The following DCDC2 variants were observed in gnomAD, a reference collection of about 807,000 sequenced individuals.
DCDC2 encodes doublecortin domain containing 2.
DCDC2 carries 40 observed loss-of-function variants against 50.2 expected under a neutral mutation model. The observed-to-expected ratio is 0.80, with a 90% CI of 0.62 to 1.04. The LOEUF (loss-of-function observed/expected upper bound fraction) is 1.04. Among genes scored for constraint, DCDC2 ranks in the 50% least tolerant of loss-of-function variants. The pLI is 0.00. For missense variants in DCDC2, 570 were observed against 581.9 expected (o/e 0.98, Z 0.21); for synonymous variants, 234 against 210.6 (o/e 1.11, Z -0.96).
At chr6:24,220,294 C>T (rs895780643) in intron 7 of DCDC2, among the ~76,000 whole-genome samples, 4 of 152,078 alleles carry the variant, frequency 2.6e-5, no homozygotes, top group Non-Finnish European at 5.9e-5. Context: ...TTAAAATTGG[C>T]ATTGCACAAT....
chr6:24,329,392 C>T (rs1431237539), intron 2 of DCDC2, among the ~76,000 whole-genome samples: 1 of 152,148 alleles, frequency 6.6e-6, no homozygotes, highest in Non-Finnish European at 1.5e-5. Flanking sequence ...AATTAAATCT[C>T]TCTTTTCAAC....
chr6:24,252,991 A>C (rs1432367797), intron 7 of DCDC2, among the ~76,000 whole-genome samples: 3 of 152,196 alleles, frequency 2.0e-5, no homozygotes, highest in Non-Finnish European at 1.5e-5. Flanking sequence ...AACATTTTAC[A>C]TAAATAATGA....
chr6:24,204,100 C>T (rs1761651362), intron 8 of DCDC2, among the ~76,000 whole-genome samples: 1 of 151,998 alleles, frequency 6.6e-6, no homozygotes, highest in Non-Finnish European at 1.5e-5. Flanking sequence ...GGATCTAGAG[C>T]CAGAAATACC....
intron 2 of DCDC2, among the ~76,000 whole-genome samples, chr6:24,303,933 A>G (rs1759425726): frequency 6.6e-6 from 1 of 152,220 alleles, no homozygotes; most frequent in Non-Finnish European, 1.5e-5. Context: ...TAGATCATTT[A>G]TGGGACTCCA....
At position 24,173,501 on chromosome 6, in the gene DCDC2, T is replaced by A. The variant is rs1426932644; in HGVS notation, c.*1229A>T. On this transcript the variant is annotated 3_prime_UTR_variant, in exon 10 of 10. Transcript: ENST00000378454. ...TTATGGAAGAACATCTCTTAAGAAT[T>A]CATAAAAAGGACGAAATTATGTTTT... is the stretch of plus-strand genomic sequence containing the variant. 1.3e-5 allele frequency: 2 copies of A among 152,174 alleles called. No individual in the cohort carries two copies. The highest frequency in any genetic ancestry group is 2.9e-5 in the Non-Finnish European group (2 of 68,024). The allele number at this position is 152,174 out of a possible 1,614,324, so 9.4% of individuals were successfully genotyped here.
chr6:24,249,878 G>A (rs1489364721), intron 7 of DCDC2, among the ~76,000 whole-genome samples: 3 of 152,154 alleles, frequency 2.0e-5, no homozygotes, highest in African/African-American at 4.8e-5. Flanking sequence ...TAAAGTTAAA[G>A]CTTTTCTTCA....
chr6:24,177,114 A>T (rs1426765076), intron 9 of DCDC2, among the ~76,000 whole-genome samples: 3 of 152,218 alleles, frequency 2.0e-5, no homozygotes, highest in Non-Finnish European at 4.4e-5. Context: ...GTAAGCTTTC[A>T]TCAAAAGCTA....
At chr6:24,300,053 GTATT>G (rs1316383544) in intron 4 of DCDC2, among the ~76,000 whole-genome samples, 5 of 152,032 alleles carry the variant, frequency 3.3e-5, no homozygotes, top group Admixed American at 2.0e-4. Flanking sequence ...TTGTATACAT[GTATT>G]TATTTATTTA....
rs1056029060 is a variant in DCDC2, at chr6:24,302,038, G to A, written c.355C>T (p.Pro119Ser). The A allele has an allele frequency of 3.5e-5, 57 of 1,609,582 alleles. No individual in the cohort carries two copies. The highest frequency in any genetic ancestry group is 4.6e-5 in the Non-Finnish European group (54 of 1,178,666). ...PMEVVNTEVKPVIHSRINVSA... is the reference protein window; with the variant it reads ...PMEVVNTEVKSVIHSRINVSA... ...ACGTTGATCCTGCTATGGATTACTG[G>A]TTTTACCTTTAAAAGCAAAGGAAAA... Residue 119 changes from proline (P) to serine (S), a missense_variant, in exon 3 of 10, where the codon CCA becomes TCA. Pro to Ser is a moderately conservative substitution (Grantham distance 74, BLOSUM62 -1). Transcript: ENST00000378454.
intron 2 of DCDC2, among the ~76,000 whole-genome samples, chr6:24,311,729 C>A (rs187094810): frequency 1.3e-5 from 2 of 152,322 alleles, no homozygotes; most frequent in East Asian, 3.9e-4. Flanking sequence ...AGCAAAGAAG[C>A]AGTCACATGA....
At chr6:24,260,974 A>G (rs1762995875) in intron 7 of DCDC2, among the ~76,000 whole-genome samples, 1 of 152,188 alleles carries the variant, frequency 6.6e-6, no homozygotes, top group South Asian at 2.1e-4. Flanking sequence ...TTTATTTAAG[A>G]GAAACAGTCA....
At chr6:24,301,230 G>A (rs1346992148) in intron 4 of DCDC2, among the ~76,000 whole-genome samples, 4 of 151,792 alleles carry the variant, frequency 2.6e-5, no homozygotes, top group Non-Finnish European at 5.9e-5. Context: ...AATTAGCCGG[G>A]CGTGGTGGTG....
Position 24,174,746 on chromosome 6 carries a change from T to A in DCDC2, c.1415A>T (p.Tyr472Phe). 3.7e-6 allele frequency: 6 copies of A among 1,613,132 alleles called. No individual in the cohort carries two copies. The highest frequency in any genetic ancestry group is 5.1e-6 in the Non-Finnish European group (6 of 1,179,264). The change falls in exon 10 of 10, where the codon TAT (tyrosine) becomes TTT (phenylalanine). Residue 472 changes from tyrosine to phenylalanine, a missense_variant. Tyr to Phe is a conservative substitution (Grantham distance 22). Transcript: ENST00000378454. ...ENENNQQNKD[Y>F]AAVA is the part of the protein sequence containing the mutation. ...AAAAATGTTCTAAGCCACGGCAGCATAGTCCTTGTTTTGTTGGTTGTTTTC... is the reference window on the plus strand; with the variant it reads ...AAAAATGTTCTAAGCCACGGCAGCAAAGTCCTTGTTTTGTTGGTTGTTTTC...
intron 7 of DCDC2, among the ~76,000 whole-genome samples, chr6:24,223,612 A>T (rs1762162740): frequency 6.6e-6 from 1 of 152,258 alleles, no homozygotes; most frequent in Non-Finnish European, 1.5e-5. Context: ...CCAAAAGAAA[A>T]TTCTACATTA....
At chr6:24,282,508 G>T (rs548642390) in intron 6 of DCDC2, among the ~76,000 whole-genome samples, 5 of 152,078 alleles carry the variant, frequency 3.3e-5, no homozygotes, top group African/African-American at 9.7e-5. Context: ...ATCCCAAAGT[G>T]CTGGGATTAC....
upstream of DCDC2, among the ~76,000 whole-genome samples, chr6:24,359,336 T>C (rs1166289915): frequency 1.6e-5 from 1 of 61,596 alleles, no homozygotes; most frequent in Non-Finnish European, 2.6e-5. Context: ...TTATATATAT[T>C]ATATATTATA....
chr6:24,223,092 C>T (rs567388002), intron 7 of DCDC2, among the ~76,000 whole-genome samples: 2 of 152,240 alleles, frequency 1.3e-5, no homozygotes, highest in South Asian at 2.1e-4. Flanking sequence ...TTAAATGGAA[C>T]ATGGCAAACC....
At chr6:24,267,786 C>T (rs2113811065) in intron 7 of DCDC2, among the ~76,000 whole-genome samples, 1 of 152,318 alleles carries the variant, frequency 6.6e-6, no homozygotes, top group East Asian at 1.9e-4. Flanking sequence ...CAAGGGAACC[C>T]TTGCACTGTA....
At chr6:24,318,032 C>T (rs1185908927) in intron 2 of DCDC2, among the ~76,000 whole-genome samples, 1 of 151,562 alleles carries the variant, frequency 6.6e-6, no homozygotes, top group Non-Finnish European at 1.5e-5. Context: ...ACAGACACTC[C>T]CATACATTGA....
Sources: allele counts gnomAD v4.1 joint callset (sites outside exome capture counted in the v4.1 genomes callset), GRCh38; gene constraint gnomAD v4.1.1; transcripts MANE v1.5; gene names NCBI Gene and HGNC (gene_info 2026-07-23, HGNC 2026-07-21).